KHDRBS2: variants seen among roughly 807,000 people sequenced by gnomAD.
KHDRBS2 encodes the protein KH domain-containing, RNA-binding, signal transduction-associated protein 2.
KHDRBS2 carries 26 observed loss-of-function variants against 44.3 expected under a neutral mutation model. That is an observed-to-expected ratio of 0.59 (90% confidence interval 0.43 to 0.81). KHDRBS2 has a LOEUF of 0.81. Ranked by LOEUF, KHDRBS2 falls within the 40% of genes least tolerant of loss-of-function variation. The pLI is 0.00. For missense variants in KHDRBS2, 476 were observed against 433.1 expected, an observed-to-expected ratio of 1.10 and a Z score of -0.88; for synonymous variants, 194 against 151.1, an observed-to-expected ratio of 1.28 and a Z score of -2.08.
At chr6:62,207,334 A>ATCAATG (rs1828161875) in intron 1 of KHDRBS2, among the ~76,000 whole-genome samples, 1 of 152,264 alleles carries the variant, frequency 6.6e-6, no homozygotes, top group African/African-American at 2.4e-5. Context: ...AGTATGTATT[A>ATCAATG]TCAATGTCTG....
intron 2 of KHDRBS2, among the ~76,000 whole-genome samples, chr6:62,138,479 G>A (rs80164992): frequency 6.8e-4 from 103 of 152,254 alleles, no homozygotes; most frequent in African/African-American, 2.3e-3. Context: ...ATTTCTACTC[G>A]AGAAAAATTT....
intron 1 of KHDRBS2, among the ~76,000 whole-genome samples, chr6:62,272,467 C>T (rs1388709891): frequency 6.6e-6 from 1 of 152,106 alleles, no homozygotes; most frequent in Admixed American, 6.6e-5. Flanking sequence ...CATACTATAT[C>T]CTCAGTAAGA....
At chr6:61,776,286 CAA>C (rs1387841131) in intron 6 of KHDRBS2, among the ~76,000 whole-genome samples, 1 of 152,090 alleles carries the variant, frequency 6.6e-6, no homozygotes, top group Non-Finnish European at 1.5e-5. Context: ...CCAAAATTGA[CAA>C]ATGGGATCTA....
the KHDRBS2 span, among the ~76,000 whole-genome samples, chr6:61,551,825 G>C: frequency 6.6e-6 from 1 of 151,130 alleles, no homozygotes; most frequent in East Asian, 2.0e-4. Flanking sequence ...TTTTTGCTTA[G>C]GATTGCCTTG....
At chr6:62,266,801 A>G (rs923079346) in intron 1 of KHDRBS2, among the ~76,000 whole-genome samples, 3 of 151,962 alleles carry the variant, frequency 2.0e-5, no homozygotes, top group South Asian at 2.1e-4. Context: ...TTTTCTCCTT[A>G]TTTTTATCTC....
intron 2 of KHDRBS2, among the ~76,000 whole-genome samples, chr6:62,151,077 G>C (rs544138430): frequency 6.6e-6 from 1 of 152,190 alleles, no homozygotes; most frequent in East Asian, 1.9e-4. Flanking sequence ...AGGGTCAGGG[G>C]TGGGAGCATA....
intron 2 of KHDRBS2, among the ~76,000 whole-genome samples, chr6:62,172,755 C>A (rs1286346781): frequency 1.4e-5 from 2 of 139,126 alleles, no homozygotes; most frequent in Non-Finnish European, 3.1e-5. Flanking sequence ...TGGACCACAG[C>A]ACAATAAAAA....
chr6:62,274,912 A>G (rs1271895599), intron 1 of KHDRBS2, among the ~76,000 whole-genome samples: 1 of 152,056 alleles, frequency 6.6e-6, no homozygotes, highest in Non-Finnish European at 1.5e-5. Context: ...TATGCTTAAC[A>G]AACACAATAT....
chr6:61,688,833 G>A (rs989192442), intron 8 of KHDRBS2, among the ~76,000 whole-genome samples: 2 of 151,886 alleles, frequency 1.3e-5, no homozygotes, highest in African/African-American at 4.8e-5. Flanking sequence ...CTGGTTACTG[G>A]GAGGTAAGCT....
chr6:62,213,446 C>A lies in KHDRBS2; in HGVS notation c.92-36134G>T, dbSNP rs866950023. Among the ~76,000 whole-genome samples the A allele has an allele frequency of 2.0e-5, 3 of 152,060 alleles. No homozygotes were observed. The Middle Eastern group carries it at 0.01, about 517-fold the overall frequency. The stretch of plus-strand genomic sequence containing the variant: ...TGAAGGTTAATGAAAAGATAAAAGT[C>A]TTAAAAATCAAACGAAAATCGGAAA... On this transcript the variant is annotated intron_variant, in intron 1 of 8. Coordinates refer to ENST00000281156, the MANE Select transcript of KHDRBS2 (RefSeq NM_152688.4).
chr6:61,605,982 C>G, the KHDRBS2 span, among the ~76,000 whole-genome samples: 1 of 152,044 alleles, frequency 6.6e-6, no homozygotes. Flanking sequence ...TGAAAATGGC[C>G]GGTCCCTGCC....
At position 61,731,530 on chromosome 6, in the gene KHDRBS2, C is replaced by T. The variant is rs146793307; in HGVS notation, c.893+1152G>A. 5.4e-3 allele frequency among the ~76,000 whole-genome samples: 817 copies of T among 152,130 alleles called. 8 individuals are homozygous for T. Among genetic ancestry groups the T allele is most frequent in the African/African-American group, 0.019 (774 of 41,554 alleles). ...TTTTACTGTGCTGTCACTCAGGCCACGGAAAATCCAAACTTCCACAATACA... is the reference window on the plus strand; with the variant it reads ...TTTTACTGTGCTGTCACTCAGGCCATGGAAAATCCAAACTTCCACAATACA... On this transcript the variant is annotated intron_variant, in intron 7 of 8. Coordinates refer to ENST00000281156, the MANE Select transcript of KHDRBS2 (RefSeq NM_152688.4).
chr6:62,010,213 T>C (rs1482948191), intron 3 of KHDRBS2, among the ~76,000 whole-genome samples: 1 of 152,114 alleles, frequency 6.6e-6, no homozygotes. Context: ...AGGAAATCAT[T>C]TTGGAGCTTA....
intron 2 of KHDRBS2, among the ~76,000 whole-genome samples, chr6:62,144,948 T>G (rs1406215819): frequency 6.6e-6 from 1 of 151,926 alleles, no homozygotes; most frequent in Non-Finnish European, 1.5e-5. Flanking sequence ...CCAAATTGTT[T>G]TGAACAGGAT....
At chr6:61,591,273 T>C in the KHDRBS2 span, among the ~76,000 whole-genome samples, 110 of 152,278 alleles carry the variant, frequency 7.2e-4, no homozygotes, top group African/African-American at 2.5e-3. Context: ...CTATTCACTT[T>C]CCCTTCTAAA....
the KHDRBS2 span, among the ~76,000 whole-genome samples, chr6:61,551,790 T>C: frequency 3.3e-5 from 5 of 152,170 alleles, no homozygotes; most frequent in African/African-American, 1.2e-4. Flanking sequence ...TGAAATTGGG[T>C]AACATGATGC....
chr6:61,713,565 G>T (rs1317503152), intron 7 of KHDRBS2, among the ~76,000 whole-genome samples: 1 of 143,640 alleles, frequency 7.0e-6, no homozygotes, highest in Non-Finnish European at 1.5e-5. Flanking sequence ...GAAGTCAGGT[G>T]ATCTGATACC....
chr6:62,168,181 G>A (rs1205877485), intron 2 of KHDRBS2, among the ~76,000 whole-genome samples: 1 of 152,100 alleles, frequency 6.6e-6, no homozygotes, highest in Non-Finnish European at 1.5e-5. Context: ...ACCAGCACAG[G>A]GGAATGTGGC....
chr6:61,774,899 A>G (rs932273655), intron 6 of KHDRBS2, among the ~76,000 whole-genome samples: 6 of 152,174 alleles, frequency 3.9e-5, no homozygotes, highest in African/African-American at 1.4e-4. Context: ...TCAAGAAAAT[A>G]CTAGCAAACT....
Sources: allele counts gnomAD v4.1 joint callset (sites outside exome capture counted in the v4.1 genomes callset), GRCh38; gene constraint gnomAD v4.1.1; transcripts MANE v1.5; gene names NCBI Gene and HGNC (gene_info 2026-07-23, HGNC 2026-07-21).